PCYT1B: variants seen among roughly 807,000 people sequenced by gnomAD.
PCYT1B encodes the protein choline-phosphate cytidylyltransferase B.
Under a neutral mutation model 26.4 loss-of-function variants are expected in PCYT1B, and 10 were observed. The observed-to-expected ratio is 0.38, with a 90% CI of 0.23 to 0.64. PCYT1B has a LOEUF of 0.64. Ranked by LOEUF, PCYT1B falls within the 30% of genes least tolerant of loss-of-function variation. The pLI, the probability that PCYT1B is intolerant of heterozygous loss-of-function variation, is 0.56. For synonymous variants in PCYT1B, 131 were observed against 108.4 expected (o/e 1.21, Z -1.29); for missense variants, 161 against 292.7 (o/e 0.55, Z 3.28).
chrX:24,639,900 C>T (rs1926411663), intron 1 of PCYT1B, among the ~76,000 whole-genome samples: 1 of 111,281 alleles, frequency 9.0e-6, no homozygotes, highest in Non-Finnish European at 1.9e-5. Flanking sequence ...ATCACCATCG[C>T]CCCTTCCCTC....
rs974895557 is a variant in PCYT1B, at chrX:24,562,276, T to C, written c.*17A>G. The C allele has an allele frequency of 3.5e-6, 4 of 1,153,039 alleles. No homozygotes were observed. The Admixed American group carries it at 1.0e-4, about 30-fold the overall frequency. On this transcript the variant is annotated 3_prime_UTR_variant, in exon 8 of 8. Coordinates refer to ENST00000379144, the MANE Select transcript of PCYT1B (RefSeq NM_004845.5). The stretch of plus-strand genomic sequence containing the variant: ...CTCCCCATCCTGCATGGTGCGGCTC[T>C]TGCCTCCCAGCAGCCTCTACTTTTC...
At chrX:24,642,704 A>G (rs1221312394) in intron 1 of PCYT1B, among the ~76,000 whole-genome samples, 1 of 112,009 alleles carries the variant, frequency 8.9e-6, no homozygotes, top group Non-Finnish European at 1.9e-5. Flanking sequence ...TAAATACCCA[A>G]GGAAGCTCAC....
chrX:24,647,178 A>C lies in PCYT1B; in HGVS notation c.-73T>G. The C allele has an allele frequency of 8.6e-7, 1 of 1,161,515 alleles. No homozygotes were observed. Among genetic ancestry groups the C allele is most frequent in the South Asian group, 2.1e-5 (1 of 47,677 alleles). ...CCAGGCAGAGAATGTTTTCTTTGTCACGTATTTTTCTCCCCTCTACCCTCC... is the reference window on the plus strand; with the variant it reads ...CCAGGCAGAGAATGTTTTCTTTGTCCCGTATTTTTCTCCCCTCTACCCTCC... On this transcript the variant is annotated 5_prime_UTR_variant, in exon 1 of 8. Coordinates refer to ENST00000379144, the MANE Select transcript of PCYT1B (RefSeq NM_004845.5).
intron 1 of PCYT1B, among the ~76,000 whole-genome samples, chrX:24,665,890 T>C: frequency 9.1e-6 from 1 of 110,324 alleles, no homozygotes; most frequent in Admixed American, 9.7e-5. Flanking sequence ...CCTGCCTACC[T>C]CTGAGAAAGC....
chrX:24,568,966 G>A (rs1923727657), intron 7 of PCYT1B, among the ~76,000 whole-genome samples: 2 of 110,205 alleles, frequency 1.8e-5, no homozygotes, highest in Admixed American at 2.0e-4. Context: ...CGGGCATGGT[G>A]GCATATGCCT....
intron 1 of PCYT1B, among the ~76,000 whole-genome samples, chrX:24,628,093 G>A (rs1294359202): frequency 8.9e-6 from 1 of 111,988 alleles, no homozygotes; most frequent in African/African-American, 3.2e-5. Context: ...TGGGAGAAAG[G>A]ACTAAGCTAG....
At chrX:24,664,325 A>G (rs1005443182) in intron 1 of PCYT1B, among the ~76,000 whole-genome samples, 1 of 111,801 alleles carries the variant, frequency 8.9e-6, no homozygotes, top group Non-Finnish European at 1.9e-5. Flanking sequence ...TAACGCATAC[A>G]GGTTATTAAA....
chrX:24,670,687 C>A (rs62585339), intron 1 of PCYT1B, among the ~76,000 whole-genome samples: 2 of 111,833 alleles, frequency 1.8e-5, no homozygotes, highest in Non-Finnish European at 3.8e-5. Context: ...AAATTAGCAG[C>A]ATAGGCAAAT....
Position 24,579,339 on chromosome X carries a change from C to G in PCYT1B, c.685G>C (p.Glu229Gln). The G allele has an allele frequency of 1.7e-6, 2 of 1,210,490 alleles. No individual in the cohort carries two copies. The highest frequency in any genetic ancestry group is 3.5e-5 in the South Asian group (2 of 56,884). ...ACATTTATAAAGCTGACATTCAGTTCCTTGGCTGTATACCCTCTCTGGAGG... is the reference window on the plus strand; with the variant it reads ...ACATTTATAAAGCTGACATTCAGTTGCTTGGCTGTATACCCTCTCTGGAGG... ...RNLQRGYTAK[E>Q]LNVSFINEKR... is the part of the protein sequence containing the mutation. The change falls in exon 6 of 8, where the codon GAA (glutamate) becomes CAA (glutamine). Residue 229 changes from glutamate (E) to glutamine (Q), a missense_variant. Coordinates refer to ENST00000379144, the MANE Select transcript of PCYT1B (RefSeq NM_004845.5).
chrX:24,619,095 G>A lies in PCYT1B; in HGVS notation c.118-11C>T. The stretch of plus-strand genomic sequence containing the variant: ...AGGTGCAGTCAGGGTCTAGAAGGGA[G>A]AAAAAGAAAGGGAATACAGTCTGAC... On this transcript the variant is annotated splice_polypyrimidine_tract_variant and intron_variant, in intron 1 of 7. Coordinates refer to ENST00000379144, the MANE Select transcript of PCYT1B (RefSeq NM_004845.5). 1 of 1,127,907 alleles carries A rather than the reference G, an allele frequency of 8.9e-7. No individual in the cohort carries two copies. Among genetic ancestry groups the A allele is most frequent in the Non-Finnish European group, 1.2e-6 (1 of 820,704 alleles). The allele number at this position is 1,127,907 out of a possible 1,213,427, so 93.0% of individuals were successfully genotyped here.
chrX:24,648,994 C>T (rs1408898067), upstream of PCYT1B, among the ~76,000 whole-genome samples: 1 of 111,955 alleles, frequency 8.9e-6, no homozygotes, highest in Non-Finnish European at 1.9e-5. Flanking sequence ...AAAATGGATT[C>T]TGTAGCAGAG....
At position 24,598,963 on chromosome X, in the gene PCYT1B, G is replaced by A. The variant is rs756516102; in HGVS notation, c.334+8782C>T. ...TTTTTAAAAAAGGTTGTAAGCAAATGATAAAAGCATTTTATCAAAAATTAC... is the reference window on the plus strand; with the variant it reads ...TTTTTAAAAAAGGTTGTAAGCAAATAATAAAAGCATTTTATCAAAAATTAC... On this transcript the variant is annotated intron_variant, in intron 3 of 7. Transcript: ENST00000379144. Among the ~76,000 whole-genome samples the A allele has an allele frequency of 5.4e-5, 6 of 111,857 alleles. No homozygotes were observed. In the South Asian group the frequency reaches 2.2e-3, roughly 42 times the overall value.
intron 7 of PCYT1B, among the ~76,000 whole-genome samples, chrX:24,572,648 G>A (rs765311394): frequency 2.9e-3 from 319 of 111,272 alleles, no homozygotes; most frequent in Non-Finnish European, 5.0e-3. Flanking sequence ...TTATCTTGGC[G>A]TTTAACATCC....
chrX:24,640,254 C>A (rs1926423482), intron 1 of PCYT1B, among the ~76,000 whole-genome samples: 1 of 112,005 alleles, frequency 8.9e-6, no homozygotes, highest in South Asian at 3.7e-4. Context: ...CCTCTTCTTT[C>A]TAAATCCAAA....
intron 7 of PCYT1B, among the ~76,000 whole-genome samples, chrX:24,567,608 A>G (rs193010576): frequency 1.2e-3 from 139 of 112,276 alleles, no homozygotes; most frequent in African/African-American, 4.3e-3. Flanking sequence ...TCCTGTCCAT[A>G]CGAAAGTAGT....
intron 2 of PCYT1B, among the ~76,000 whole-genome samples, chrX:24,612,321 G>A (rs1252481302): frequency 8.9e-6 from 1 of 112,725 alleles, no homozygotes; most frequent in Non-Finnish European, 1.9e-5. Flanking sequence ...CATGACGTTT[G>A]CTCTTCAAAA....
At chrX:24,662,308 A>G (rs1927044475) in intron 1 of PCYT1B, among the ~76,000 whole-genome samples, 1 of 112,470 alleles carries the variant, frequency 8.9e-6, no homozygotes, top group Admixed American at 9.4e-5. Context: ...TCAACTGGGT[A>G]CAATTTTGCT....
intron 3 of PCYT1B, among the ~76,000 whole-genome samples, chrX:24,591,856 G>C (rs1924577173): frequency 8.9e-6 from 1 of 111,747 alleles, no homozygotes; most frequent in Non-Finnish European, 1.9e-5. Flanking sequence ...AATCTAATCA[G>C]GATATTTAGC....
At chrX:24,650,574 G>A (rs780825598), upstream of PCYT1B, among the ~76,000 whole-genome samples, 1 of 111,384 alleles carries the variant, frequency 9.0e-6, no homozygotes. Flanking sequence ...CACCTTCCTC[G>A]GCCTCCCAAA....
Sources: gnomAD v4.1 joint callset for allele counts (sites outside exome capture counted in the v4.1 genomes callset) on GRCh38, gnomAD v4.1.1 for gene constraint, MANE v1.5 for transcripts, NCBI Gene and HGNC (gene_info 2026-07-23, HGNC 2026-07-21) for gene names.